Variants in EFCAB5 observed in about 807,000 individuals in gnomAD.
The protein encoded by EFCAB5 is EF-hand calcium binding domain 5, also known as EF-hand calcium-binding domain-containing protein 5.
EFCAB5 carries 131 observed loss-of-function variants against 167.9 expected under a neutral mutation model. That is an observed-to-expected ratio of 0.78 (90% CI 0.68 to 0.90). The LOEUF (loss-of-function observed/expected upper bound fraction) is 0.90. Ranked by LOEUF, EFCAB5 falls within the 40% of genes least tolerant of loss-of-function variation. The pLI is 0.00. For synonymous variants in EFCAB5, 574 were observed against 602.8 expected, an observed-to-expected ratio of 0.95 and a Z score of 0.70; for missense variants, 1,663 against 1,745.2, an observed-to-expected ratio of 0.95 and a Z score of 0.84.
chr17:29,979,176 C>A (rs955983070), intron 4 of EFCAB5, among the ~76,000 whole-genome samples: 1 of 152,024 alleles, frequency 6.6e-6, no homozygotes, highest in African/African-American at 2.4e-5. Context: ...ATCGTGAAAC[C>A]CTGTCTCTAC....
intron 1 of EFCAB5, among the ~76,000 whole-genome samples, chr17:29,930,664 C>G (rs3936007): frequency 0.04 from 6,089 of 152,250 alleles, 406 homozygotes; most frequent in African/African-American, 0.14. Flanking sequence ...CCAGTTTACT[C>G]CCTTCACCCC....
At chr17:29,958,401 C>T (rs1472725090) in intron 3 of EFCAB5, among the ~76,000 whole-genome samples, 3 of 152,100 alleles carry the variant, frequency 2.0e-5, no homozygotes, top group South Asian at 4.1e-4. Context: ...AATTCTTCTG[C>T]TTGATCAATA....
intron 22 of EFCAB5, among the ~76,000 whole-genome samples, chr17:30,099,762 T>C (rs2071356004): frequency 6.6e-6 from 1 of 152,038 alleles, no homozygotes; most frequent in South Asian, 2.1e-4. Context: ...GTATCCCGGA[T>C]TCCATTCACT....
At chr17:29,986,718 C>G (rs1317126049) in intron 4 of EFCAB5, among the ~76,000 whole-genome samples, 1 of 132,024 alleles carries the variant, frequency 7.6e-6, no homozygotes, top group Non-Finnish European at 1.5e-5. Flanking sequence ...GCAATCTCGG[C>G]TCACTGCAGG....
At chr17:30,040,498 C>T (rs1235363384) in intron 8 of EFCAB5, among the ~76,000 whole-genome samples, 1 of 152,146 alleles carries the variant, frequency 6.6e-6, no homozygotes, top group Non-Finnish European at 1.5e-5. Context: ...TTTACCCTGG[C>T]ATTTCATCAA....
At chr17:30,081,032 A>AAAAG in intron 17 of EFCAB5, 51 bp downstream of exon 17, 1 of 1,437,612 alleles carries the variant, frequency 7.0e-7, no homozygotes. Flanking sequence ...TCTCTTTCTA[A>AAAAG]TACTTTTTAA....
chr17:29,975,749 C>T (rs2068052236), intron 4 of EFCAB5, among the ~76,000 whole-genome samples: 1 of 152,126 alleles, frequency 6.6e-6, no homozygotes, highest in Non-Finnish European at 1.5e-5. Context: ...TCAGTTGAAA[C>T]AGGCTTTCTA....
intron 5 of EFCAB5, among the ~76,000 whole-genome samples, chr17:29,995,427 T>C (rs1047934901): frequency 6.6e-6 from 1 of 152,208 alleles, no homozygotes; most frequent in African/African-American, 2.4e-5. Context: ...CAGGACCAAT[T>C]CCACATCTTG....
intron 4 of EFCAB5, among the ~76,000 whole-genome samples, chr17:29,986,151 T>C (rs540492667): frequency 6.6e-6 from 1 of 152,340 alleles, no homozygotes; most frequent in East Asian, 1.9e-4. Context: ...CTGGGATACT[T>C]TAAATATTTG....
At chr17:30,038,831 G>A (rs2069692274) in intron 8 of EFCAB5, among the ~76,000 whole-genome samples, 1 of 152,046 alleles carries the variant, frequency 6.6e-6, no homozygotes, top group Non-Finnish European at 1.5e-5. Flanking sequence ...TAACAATTTT[G>A]GTATTTCTAA....
At chr17:30,084,319 G>T (rs2071044962) in intron 18 of EFCAB5, among the ~76,000 whole-genome samples, 1 of 152,170 alleles carries the variant, frequency 6.6e-6, no homozygotes, top group South Asian at 2.1e-4. Context: ...AGCTACAATG[G>T]CCCTTCAAAG....
chr17:30,088,393 A>G (rs1167537450), intron 19 of EFCAB5, among the ~76,000 whole-genome samples: 1 of 152,170 alleles, frequency 6.6e-6, no homozygotes, highest in Non-Finnish European at 1.5e-5. Flanking sequence ...TGCATGTTTT[A>G]AAGCATGAAA....
chr17:29,941,995 G>C (rs1390826936), intron 1 of EFCAB5, among the ~76,000 whole-genome samples, 157 bp downstream of exon 1: 1 of 152,132 alleles, frequency 6.6e-6, no homozygotes, highest in Admixed American at 6.5e-5. Flanking sequence ...CTGTAAAAGG[G>C]GTCAAAATAA....
chr17:29,971,387 A>G (rs891793304), intron 4 of EFCAB5, among the ~76,000 whole-genome samples: 4 of 152,208 alleles, frequency 2.6e-5, no homozygotes, highest in African/African-American at 9.6e-5. Flanking sequence ...ACTACCTCCA[A>G]TACAATATTA....
intron 4 of EFCAB5, among the ~76,000 whole-genome samples, chr17:29,984,495 G>A (rs759193711): frequency 2.2e-4 from 34 of 151,970 alleles, no homozygotes; most frequent in Non-Finnish European, 3.4e-4. Context: ...CGAGGTGAGC[G>A]GATCACGAGG....
intron 3 of EFCAB5, among the ~76,000 whole-genome samples, chr17:29,951,545 C>G (rs949306773): frequency 6.7e-6 from 1 of 150,374 alleles, no homozygotes; most frequent in Non-Finnish European, 1.5e-5. Context: ...TTAGTAGAGA[C>G]GGGGTTTCAC....
At chr17:30,057,552 T>C in intron 12 of EFCAB5, 124 bp from the exon 13 acceptor site, 1 of 776,470 alleles carries the variant, frequency 1.3e-6, no homozygotes, top group Non-Finnish European at 2.1e-6. Flanking sequence ...GCTGTCCTCA[T>C]GAAGGAAGCA....
Position 30,053,449 on chromosome 17 carries a change from T to C in EFCAB5, c.1495T>C (p.Ser499Pro). Residue 499 changes from serine to proline, a missense_variant, in exon 10 of 23, where the codon TCA becomes CCA. Coordinates refer to ENST00000394835, the MANE Select transcript of EFCAB5 (RefSeq NM_198529.4). ...DQPKLNEQRT[S>P]TPSPNPPEQQ... ...ACCTAAACTTAACGAACAGAGAACA[T>C]CAACACCATCACCAAACCCGCCAGA... The C allele has an allele frequency of 6.2e-7, 1 of 1,613,800 alleles. No homozygotes were observed. The highest frequency in any genetic ancestry group is 8.5e-7 in the Non-Finnish European group (1 of 1,179,860).
At chr17:29,943,467 T>A (rs188181304) in intron 2 of EFCAB5, 98 bp from the exon 3 acceptor site, 19 of 1,067,188 alleles carry the variant, frequency 1.8e-5, no homozygotes, top group African/African-American at 1.6e-4. Context: ...GGTTAACTCT[T>A]ACAAAGCAAT....
Sources: allele counts gnomAD v4.1 joint callset (sites outside exome capture counted in the v4.1 genomes callset), GRCh38; gene constraint gnomAD v4.1.1; transcripts MANE v1.5; gene names NCBI Gene and HGNC (gene_info 2026-07-23, HGNC 2026-07-21).